MRPL32: variants seen among roughly 807,000 people sequenced by gnomAD.
MRPL32 encodes the protein mitochondrial ribosomal protein L32.
Under a neutral mutation model 21.7 loss-of-function variants are expected in MRPL32, and 14 were observed. The observed-to-expected ratio is 0.64, with a 90% CI of 0.43 to 1.01. MRPL32 has a LOEUF of 1.01. Ranked by LOEUF, MRPL32 falls within the 50% of genes least tolerant of loss-of-function variation. The probability of loss-of-function intolerance (pLI) is 0.00; values close to 1 mark genes in which losing one functional copy is unlikely to be tolerated. For synonymous variants in MRPL32, 83 were observed against 87.7 expected, an observed-to-expected ratio of 0.95 and a Z score of 0.30; for missense variants, 211 against 235.9, an observed-to-expected ratio of 0.89 and a Z score of 0.69.
intron 1 of MRPL32, 100 bp downstream of exon 1, chr7:42,932,616 A>AT: frequency 1.3e-5 from 17 of 1,318,426 alleles, no homozygotes; most frequent in Non-Finnish European, 1.7e-5. Flanking sequence ...CCCGGTTCTG[A>AT]TCCGCGGCCT....
rs182381290 is a variant in MRPL32, at chr7:42,937,480, G to A, written c.471G>A (p.Val157=). ...GPFKAPTIET[V]VLYTGETPSE... is the part of the protein sequence containing the mutation. ...TTAAGGCTCCCACCATAGAGACTGT[G>A]GTGCTGTACACGGGAGAGACACCGT... The change falls in exon 3 of 3, where the codon GTG becomes GTA. Residue 157 remains valine (V), a synonymous_variant. Coordinates refer to ENST00000223324, the MANE Select transcript of MRPL32 (RefSeq NM_031903.3). 1,079 of 1,614,044 alleles carry A rather than the reference G, an allele frequency of 6.7e-4. 11 individuals carry two copies. The East Asian group carries it at 0.011, about 16-fold the overall frequency.
intron 2 of MRPL32, chr7:42,936,314 T>A (rs1454450909): frequency 6.6e-6 from 1 of 152,210 alleles, no homozygotes; most frequent in Non-Finnish European, 1.5e-5. Flanking sequence ...TTCTGTTACA[T>A]ACGGTATATA....
Position 42,933,168 on chromosome 7 carries a change from T to A in MRPL32, c.130+652T>A, listed in dbSNP as rs1005750051. 5.3e-5 allele frequency among the ~76,000 whole-genome samples: 8 copies of A among 152,144 alleles called. 1 individual carries two copies. The South Asian group carries it at 1.7e-3, about 31-fold the overall frequency. On this transcript the variant is annotated intron_variant, in intron 1 of 2. Transcript: ENST00000223324. ...TATATGCCCTTTCCAGGAAATGCTC[T>A]AAGGGAGTTCGGGACCTACTATCGG...
At chr7:42,933,167 C>G (rs928163289) in intron 1 of MRPL32, among the ~76,000 whole-genome samples, 10 of 152,086 alleles carry the variant, frequency 6.6e-5, no homozygotes, top group Admixed American at 2.0e-4. Context: ...AGGAAATGCT[C>G]TAAGGGAGTT....
chr7:42,936,642 T>C (rs1320747024), intron 2 of MRPL32: 3 of 150,282 alleles, frequency 2.0e-5, no homozygotes, highest in Non-Finnish European at 3.0e-5. Context: ...ATAATGTTTC[T>C]ATTTTATATT....
intron 2 of MRPL32, chr7:42,936,709 C>CAT (rs1786432929): frequency 6.5e-6 from 1 of 153,218 alleles, no homozygotes; most frequent in African/African-American, 2.4e-5. Context: ...TATATACACA[C>CAT]ACATATATAT....
chr7:42,935,467 T>A (rs1014679317), intron 2 of MRPL32: 1 of 180,422 alleles, frequency 5.5e-6, no homozygotes, highest in Non-Finnish European at 1.2e-5. Flanking sequence ...TGAGTAAACA[T>A]CCTAACTATG....
intron 1 of MRPL32, 116 bp from the exon 2 acceptor site, chr7:42,934,835 TTATA>T (rs1786399138): frequency 3.2e-6 from 2 of 631,992 alleles, no homozygotes; most frequent in Admixed American, 3.8e-5. Flanking sequence ...ATTCTAAATT[TTATA>T]TATAGTTTTT....
chr7:42,932,592 A>C (rs1786341684), intron 1 of MRPL32, 76 bp downstream of exon 1: 1 of 1,449,708 alleles, frequency 6.9e-7, no homozygotes, highest in Non-Finnish European at 9.2e-7. Flanking sequence ...CAGCTTACAC[A>C]GTTCGCCCTC....
At chr7:42,934,871 T>C in intron 1 of MRPL32, 84 bp from the exon 2 acceptor site, 5 of 1,094,858 alleles carry the variant, frequency 4.6e-6, no homozygotes, top group Non-Finnish European at 6.4e-6. Flanking sequence ...TGTTTGACCA[T>C]TGATTGTTAA....
chr7:42,932,599 C>T (rs895352235), intron 1 of MRPL32, 83 bp downstream of exon 1: 5 of 1,423,562 alleles, frequency 3.5e-6, no homozygotes, highest in South Asian at 1.4e-5. Flanking sequence ...CACAGTTCGC[C>T]CTCAGCCCCG....
Position 42,937,328 on chromosome 7 carries a change from A to G in MRPL32, c.319A>G (p.Ile107Val), listed in dbSNP as rs751499036. 1 of 1,614,236 alleles carries G rather than the reference A, an allele frequency of 6.2e-7. No individual in the cohort carries two copies. The highest frequency in any genetic ancestry group is 1.7e-5 in the Admixed American group (1 of 60,026). The change falls in exon 3 of 3, where the codon ATA (isoleucine) becomes GTA (valine). Residue 107 changes from isoleucine (I) to valine (V), a missense_variant. Coordinates refer to ENST00000223324, the MANE Select transcript of MRPL32 (RefSeq NM_031903.3). The stretch of plus-strand genomic sequence containing the variant: ...TTTGTTTATTGTTTTAAAGAACAAC[A>G]TAGACGTTTGTCCTGAATGTGGTCA... Reference protein sequence around the residue: ...PQKLIKVKNNIDVCPECGHLK... With the variant: ...PQKLIKVKNNVDVCPECGHLK...
At chr7:42,935,157 G>A (rs748121249) in intron 2 of MRPL32, 21 bp downstream of exon 2, 4 of 1,596,452 alleles carry the variant, frequency 2.5e-6, no homozygotes, top group Non-Finnish European at 3.4e-6. Context: ...GATTTTTGTG[G>A]GTGTGCTTTT....
At chr7:42,932,653 T>A (rs1786343964) in intron 1 of MRPL32, 137 bp downstream of exon 1, 6 of 901,308 alleles carry the variant, frequency 6.7e-6, no homozygotes, top group Non-Finnish European at 9.3e-6. Flanking sequence ...TTCGTGACAT[T>A]CCCATATTAG....
intron 1 of MRPL32, 85 bp downstream of exon 1, chr7:42,932,601 T>G (rs1786342173): frequency 7.1e-7 from 1 of 1,413,292 alleles, no homozygotes; most frequent in Admixed American, 2.7e-5. Flanking sequence ...CAGTTCGCCC[T>G]CAGCCCCGGT....
At chr7:42,933,620 C>G (rs1562705456) in intron 1 of MRPL32, among the ~76,000 whole-genome samples, 1 of 151,974 alleles carries the variant, frequency 6.6e-6, no homozygotes, top group Non-Finnish European at 1.5e-5. Flanking sequence ...TTGGAAGTAT[C>G]TTGGATGTTG....
At chr7:42,935,484 C>A in intron 2 of MRPL32, 1 of 167,764 alleles carries the variant, frequency 6.0e-6, no homozygotes, top group South Asian at 2.0e-4. Context: ...TATGGCAGAG[C>A]CTAGAATTAA....
At chr7:42,934,851 T>C in intron 1 of MRPL32, 104 bp from the exon 2 acceptor site, 1 of 740,622 alleles carries the variant, frequency 1.4e-6, no homozygotes, top group Non-Finnish European at 2.0e-6. Context: ...ATAGTTTTTG[T>C]GTGTGTGTAT....
At chr7:42,932,655 C>T (rs906773311) in intron 1 of MRPL32, 139 bp downstream of exon 1, 5 of 892,250 alleles carry the variant, frequency 5.6e-6, no homozygotes, top group East Asian at 2.9e-5. Flanking sequence ...CGTGACATTC[C>T]CATATTAGCG....
Sources: allele counts gnomAD v4.1 joint callset (sites outside exome capture counted in the v4.1 genomes callset), GRCh38; gene constraint gnomAD v4.1.1; transcripts MANE v1.5; gene names NCBI Gene and HGNC (gene_info 2026-07-23, HGNC 2026-07-21).